Variants in MYO7B observed in about 807,000 individuals in gnomAD.
The protein encoded by MYO7B is unconventional myosin-VIIb.
In MYO7B, 212 loss-of-function variants were observed where a neutral mutation model predicts 259.7. That is an observed-to-expected ratio of 0.82 (90% CI 0.73 to 0.91). The LOEUF is 0.91. Among genes scored for constraint, MYO7B ranks in the 40% least tolerant of loss-of-function variants. The pLI is 0.00. For synonymous variants in MYO7B, 1,197 were observed against 1,166.4 expected, an observed-to-expected ratio of 1.03 and a Z score of -0.54; for missense variants, 2,732 against 2,813.5, an observed-to-expected ratio of 0.97 and a Z score of 0.66.
Position 127,597,902 on chromosome 2 carries a change from T to A in MYO7B, c.2339+1346T>A, listed in dbSNP as rs1679833776. On this transcript the variant is annotated intron_variant, in intron 19 of 47. Coordinates refer to ENST00000409816, the MANE Select transcript of MYO7B (RefSeq NM_001393586.1). The surrounding 1 kb of genome is among the most constrained non-coding windows in gnomAD (Gnocchi z 4.8). Reference sequence around the variant, plus strand: ...ATCCGCCCGCCTCAGCCTCTCAAAGTGCTGGGATTGCAGGTGTGAGCCACT... The same window carrying A: ...ATCCGCCCGCCTCAGCCTCTCAAAGAGCTGGGATTGCAGGTGTGAGCCACT... Among the ~76,000 whole-genome samples, 1 of 152,144 alleles carries A rather than the reference T, an allele frequency of 6.6e-6. No homozygotes were observed. The highest frequency in any genetic ancestry group is 2.1e-4 in the South Asian group (1 of 4,820).
intron 6 of MYO7B, among the ~76,000 whole-genome samples, chr2:127,570,357 G>A (rs897651640): frequency 6.6e-6 from 1 of 152,194 alleles, no homozygotes; most frequent in Admixed American, 6.5e-5. Flanking sequence ...CTGCTCAGAC[G>A]CTTATGAACG....
chr2:127,551,514 C>T (rs927484576), intron 1 of MYO7B, among the ~76,000 whole-genome samples: 1 of 152,220 alleles, frequency 6.6e-6, no homozygotes, highest in Non-Finnish European at 1.5e-5. Flanking sequence ...TTCCTTCTAC[C>T]TTATTCTATT....
chr2:127,620,781 C>T (rs1235069272), intron 27 of MYO7B, among the ~76,000 whole-genome samples: 1 of 152,180 alleles, frequency 6.6e-6, no homozygotes, highest in Non-Finnish European at 1.5e-5. Context: ...AGACAGGTGT[C>T]CAGGAGTGGG....
intron 10 of MYO7B, 119 bp from the exon 11 acceptor site, chr2:127,581,772 C>T (rs1679110213): frequency 1.4e-6 from 2 of 1,419,708 alleles, no homozygotes; most frequent in Non-Finnish European, 1.9e-6. Context: ...GCAGCGCCCA[C>T]CCTCCGGTGG....
intron 19 of MYO7B, among the ~76,000 whole-genome samples, chr2:127,596,760 C>CA (rs987558825): frequency 6.6e-6 from 1 of 152,130 alleles, no homozygotes; most frequent in African/African-American, 2.4e-5. Context: ...TTGGAAAAAA[C>CA]AAAAAAACAC....
Position 127,593,457 on chromosome 2 carries a change from G to C in MYO7B, c.2146-89G>C, listed in dbSNP as rs545468986. The C allele has an allele frequency of 6.9e-6, 9 of 1,296,272 alleles. No individual in the cohort carries two copies. In the East Asian group the frequency reaches 2.1e-4, roughly 31 times the overall value. 80.3% of individuals were successfully genotyped at this position (1,296,272 alleles called of 1,614,324 possible). A position where few individuals can be genotyped will look rare whatever the true frequency, so the allele number is the denominator to read the frequency against. ...GCGGCAGCCCCTGATGGGGGAGCCT[G>C]TGGGAGAAGGAGGGAGACACCACCC... On this transcript the variant is annotated intron_variant, in intron 17 of 47. Coordinates refer to ENST00000409816, the MANE Select transcript of MYO7B (RefSeq NM_001393586.1).
chr2:127,607,193 C>T lies in MYO7B; in HGVS notation c.2425-13C>T. 1 of 1,543,626 alleles carries T rather than the reference C, an allele frequency of 6.5e-7. No individual in the cohort carries two copies. Among genetic ancestry groups the T allele is most frequent in the Non-Finnish European group, 8.7e-7 (1 of 1,143,092 alleles). The stretch of plus-strand genomic sequence containing the variant: ...TTCTTGCCCCTGATCTCACCTCTCT[C>T]TTGCCTCCGCAGATCCTCGTGGGCT... On this transcript the variant is annotated splice_polypyrimidine_tract_variant and intron_variant, in intron 20 of 47. Coordinates refer to ENST00000409816, the MANE Select transcript of MYO7B (RefSeq NM_001393586.1). The surrounding 1 kb of genome is among the most constrained non-coding windows in gnomAD (Gnocchi z 4.4).
chr2:127,566,690 G>A lies in MYO7B; in HGVS notation c.333G>A (p.Leu111=). 6.2e-7 allele frequency: 1 copy of A among 1,607,022 alleles called. No homozygotes were observed. Among genetic ancestry groups the A allele is most frequent in the Non-Finnish European group, 8.5e-7 (1 of 1,177,532 alleles). ...TGGCCGTCAACCCGTTCCAGGTGCT[G>A]CCGCTCTACACCCTGGAGCAGGTAC... The part of the protein sequence containing the change: ...ILVAVNPFQV[L]PLYTLEQVQL... Residue 111 remains leucine, a synonymous_variant, in exon 5 of 48, where the codon CTG becomes CTA. Coordinates refer to ENST00000409816, the MANE Select transcript of MYO7B (RefSeq NM_001393586.1).
Position 127,611,523 on chromosome 2 carries a change from G to A in MYO7B, c.3193-727G>A, listed in dbSNP as rs1035977904. The stretch of plus-strand genomic sequence containing the variant: ...CCCCAGACACAGAGCAGTGAGCCCA[G>A]CAAGCCTCACTGCCCTCACGGACTT... On this transcript the variant is annotated intron_variant, in intron 24 of 47. Coordinates refer to ENST00000409816, the MANE Select transcript of MYO7B (RefSeq NM_001393586.1). This position sits in a 1 kb window ranked among gnomAD's most constrained non-coding sequence, Gnocchi z 5.4. 6.6e-6 allele frequency among the ~76,000 whole-genome samples: 1 copy of A among 152,196 alleles called. No homozygotes were observed. The highest frequency in any genetic ancestry group is 2.4e-5 in the African/African-American group (1 of 41,468).
intron 1 of MYO7B, among the ~76,000 whole-genome samples, chr2:127,537,213 G>A (rs932889063): frequency 2.0e-5 from 3 of 152,178 alleles, no homozygotes; most frequent in Non-Finnish European, 2.9e-5. Context: ...TATTTTCCTT[G>A]TAAAGGATAG....
intron 19 of MYO7B, among the ~76,000 whole-genome samples, chr2:127,598,623 G>A (rs536712591): frequency 3.4e-4 from 52 of 152,262 alleles, no homozygotes; most frequent in Middle Eastern, 6.8e-3. Flanking sequence ...TTCATAGATC[G>A]TGCTTTTAGT....
chr2:127,581,877 A>G lies in MYO7B; in HGVS notation c.1081-14A>G. ...GCTCCACAGGTGCGACGCAGCCCCC[A>G]CCTGCCTCCCCAGGTGCAGCACCAG... On this transcript the variant is annotated splice_polypyrimidine_tract_variant and intron_variant, in intron 10 of 47. Transcript: ENST00000409816. 1 of 1,613,242 alleles carries G rather than the reference A, an allele frequency of 6.2e-7. No homozygotes were observed. The highest frequency in any genetic ancestry group is 1.1e-5 in the South Asian group (1 of 91,072).
chr2:127,636,466 G>A lies in MYO7B; in HGVS notation c.6124-79G>A, dbSNP rs887129097. ...GGCGTGGGTGTATGTGTGTATGTGC[G>A]TGTGGCCTAGATGAGCTCCTGGGAG... is the stretch of plus-strand genomic sequence containing the variant. On this transcript the variant is annotated intron_variant, in intron 45 of 47. Transcript: ENST00000409816. This position sits in a 1 kb window ranked among gnomAD's most constrained non-coding sequence, Gnocchi z 4.5. 7.2e-5 allele frequency: 106 copies of A among 1,462,726 alleles called. 1 individual carries two copies. In the East Asian group the frequency reaches 2.0e-3, roughly 27 times the overall value. The allele number at this position is 1,462,726 out of a possible 1,614,324, so 90.6% of individuals were successfully genotyped here.
At chr2:127,633,138 G>T in intron 39 of MYO7B, 120 bp from the exon 40 acceptor site, 1 of 770,582 alleles carries the variant, frequency 1.3e-6, no homozygotes, top group Non-Finnish European at 2.1e-6. Flanking sequence ...AACCACCCCA[G>T]TGATGGTCAC....
chr2:127,573,555 C>CT (rs1678734760), intron 6 of MYO7B, among the ~76,000 whole-genome samples: 1 of 152,224 alleles, frequency 6.6e-6, no homozygotes, highest in Admixed American at 6.5e-5. Context: ...AGCTTTACTG[C>CT]TTCCCTTATT....
chr2:127,593,519 A>G (rs1478691058), intron 17 of MYO7B, 27 bp from the exon 18 acceptor site: 1 of 1,606,500 alleles, frequency 6.2e-7, no homozygotes, highest in Non-Finnish European at 8.5e-7. Context: ...CCCACCTCCC[A>G]CCGATACCCC....
chr2:127,580,367 C>A (rs1243458593), intron 9 of MYO7B, among the ~76,000 whole-genome samples: 1 of 152,170 alleles, frequency 6.6e-6, no homozygotes, highest in East Asian at 1.9e-4. Flanking sequence ...AACGAAATGT[C>A]CGGGTTTCCA....
intron 35 of MYO7B, among the ~76,000 whole-genome samples, chr2:127,630,121 G>A (rs990280742): frequency 6.6e-6 from 1 of 152,152 alleles, no homozygotes; most frequent in East Asian, 1.9e-4. Flanking sequence ...GACCCAGGGG[G>A]ACTCAAGTCT....
chr2:127,637,432 G>GT lies in MYO7B; in HGVS notation c.*16dup. 1.3e-6 allele frequency: 2 copies of GT among 1,491,018 alleles called. No individual in the cohort carries two copies. 92.4% of individuals were successfully genotyped at this position (1,491,018 alleles called of 1,614,324 possible). A position where few individuals can be genotyped will look rare whatever the true frequency, so the allele number is the denominator to read the frequency against. On this transcript the variant is annotated 3_prime_UTR_variant, in exon 48 of 48. Coordinates refer to ENST00000409816, the MANE Select transcript of MYO7B (RefSeq NM_001393586.1). ...CCAGCACCTAGCAGCGGATGCTGGC[G>GT]TGTCTGCTCAGGCGCCCTTCCCGAC...
Sources: allele counts gnomAD v4.1 joint callset (sites outside exome capture counted in the v4.1 genomes callset), GRCh38; gene constraint gnomAD v4.1.1; non-coding constraint Gnocchi (gnomAD v3.1); transcripts MANE v1.5; gene names NCBI Gene and HGNC (gene_info 2026-07-23, HGNC 2026-07-21).